The following CDKL5 variants were observed in gnomAD, a reference collection of about 807,000 sequenced individuals.
The protein encoded by CDKL5 is cyclin-dependent kinase-like 5.
CDKL5 carries 8 observed loss-of-function variants against 61.7 expected under a neutral mutation model. The observed-to-expected ratio is 0.13, with a 90% CI of 0.08 to 0.23. The LOEUF (loss-of-function observed/expected upper bound fraction) is 0.23, where lower values mean the gene tolerates loss of function less well. Ranked by LOEUF, CDKL5 falls within the 10% of genes least tolerant of loss-of-function variation. CDKL5 has a pLI of 1.00. For synonymous variants in CDKL5, 275 were observed against 272.3 expected, an observed-to-expected ratio of 1.01 and a Z score of -0.10; for missense variants, 440 against 734.5, an observed-to-expected ratio of 0.60 and a Z score of 4.63.
At chrX:18,567,210 G>A (rs753595913) in intron 4 of CDKL5, among the ~76,000 whole-genome samples, 1 of 111,537 alleles carries the variant, frequency 9.0e-6, no homozygotes, top group East Asian at 2.8e-4. Flanking sequence ...AGTGTATATA[G>A]ATAGTCTCAT....
intron 1 of CDKL5, among the ~76,000 whole-genome samples, chrX:18,458,465 A>G (rs1932200987): frequency 8.9e-6 from 1 of 111,766 alleles, no homozygotes; most frequent in African/African-American, 3.2e-5. Flanking sequence ...TTTAATTAAA[A>G]CTAAAAGATT....
intron 1 of CDKL5, among the ~76,000 whole-genome samples, chrX:18,478,462 T>C (rs1212206240): frequency 9.3e-6 from 1 of 106,993 alleles, no homozygotes; most frequent in Non-Finnish European, 1.9e-5. Context: ...GGCTAATTTT[T>C]GTAATCTTAG....
chrX:18,564,977 T>C (rs1924921013), intron 4 of CDKL5, among the ~76,000 whole-genome samples: 1 of 111,636 alleles, frequency 9.0e-6, no homozygotes, highest in South Asian at 3.7e-4. Context: ...AATACAAGGA[T>C]ATATTGAGGG....
intron 12 of CDKL5, among the ~76,000 whole-genome samples, chrX:18,606,703 G>A (rs767779219): frequency 7.1e-5 from 8 of 112,580 alleles, no homozygotes; most frequent in African/African-American, 2.6e-4. Flanking sequence ...ATTGGAAGGA[G>A]AAGGAAGGTA....
In CDKL5 at chrX:18,432,099, CT is replaced by C. The variant is rs139849633; in HGVS notation, c.-163+6421del. 9.0e-3 allele frequency among the ~76,000 whole-genome samples: 812 copies of C among 90,222 alleles called. 5 individuals are homozygous for C. Among genetic ancestry groups the C allele is most frequent in the African/African-American group, 0.02 (509 of 24,912 alleles). The allele number at this position is 90,222 out of a possible 115,157, so 78.3% of individuals were successfully genotyped here. On this transcript the variant is annotated intron_variant, in intron 1 of 17. Transcript: ENST00000623535. Reference sequence around the variant, plus strand: ...AATTTCTTTCTTTCTTTCTTTCTTTCTTTTTTTTTTTTTTTTTGAGATGGAG... The same window carrying C: ...AATTTCTTTCTTTCTTTCTTTCTTTCTTTTTTTTTTTTTTTTGAGATGGAG...
chrX:18,601,213 A>G (rs775050290), intron 11 of CDKL5, among the ~76,000 whole-genome samples: 76 of 111,726 alleles, frequency 6.8e-4, no homozygotes, highest in Non-Finnish European at 1.1e-3. Context: ...GCCCCTGGCT[A>G]TCTCCCTCAG....
rs1233809368 is a variant in CDKL5 at position 18,638,557 on chromosome X, T to C, written c.*9800T>C. 8.9e-6 allele frequency: 1 copy of C among 112,657 alleles called. No homozygotes were observed. Among genetic ancestry groups the C allele is most frequent in the Non-Finnish European group, 1.9e-5 (1 of 53,383 alleles). The allele number at this position is 112,657 out of a possible 1,213,427, so 9.3% of individuals were successfully genotyped here. A position where few individuals can be genotyped will look rare whatever the true frequency, so the allele number is the denominator to read the frequency against. On this transcript the variant is annotated 3_prime_UTR_variant, in exon 18 of 18. Coordinates refer to ENST00000623535, the MANE Select transcript of CDKL5 (RefSeq NM_001323289.2). ...CCCTCAATAAAAGTTTTAGTTTTTA[T>C]ACATTCTGTCATGAATTGAATGAAG... is the stretch of plus-strand genomic sequence containing the variant.
At chrX:18,547,371 C>T (rs140268434) in intron 3 of CDKL5, among the ~76,000 whole-genome samples, 1 of 112,078 alleles carries the variant, frequency 8.9e-6, no homozygotes, top group Admixed American at 9.4e-5. Flanking sequence ...CATTCTTTTC[C>T]TGAATTCCTC....
intron 10 of CDKL5, among the ~76,000 whole-genome samples, chrX:18,597,816 G>A (rs1057151726): frequency 5.5e-5 from 6 of 109,742 alleles, no homozygotes; most frequent in African/African-American, 1.3e-4. Flanking sequence ...GGCTGGTCTC[G>A]AACTCCTGAC....
At chrX:18,644,927 G>A (rs1927718118), downstream of CDKL5, among the ~76,000 whole-genome samples, 1 of 112,715 alleles carries the variant, frequency 8.9e-6, no homozygotes, top group Admixed American at 9.3e-5. Flanking sequence ...GGTTGAACAT[G>A]TCTGTCTGCA....
chrX:18,596,024 A>C (rs888869667), intron 10 of CDKL5, among the ~76,000 whole-genome samples: 1 of 111,495 alleles, frequency 9.0e-6, no homozygotes, highest in African/African-American at 3.3e-5. Flanking sequence ...TCTCCAGTAG[A>C]CAGTCGGCTC....
At chrX:18,582,067 G>T in intron 7 of CDKL5, 117 bp downstream of exon 7, 1 of 578,832 alleles carries the variant, frequency 1.7e-6, no homozygotes, top group South Asian at 2.6e-5. Flanking sequence ...ATTGGTAGAG[G>T]AACATTCTTT....
At chrX:18,648,095 G>T (rs1432707699) in intron 20 of CDKL5, among the ~76,000 whole-genome samples, 1 of 111,076 alleles carries the variant, frequency 9.0e-6, no homozygotes, top group Admixed American at 9.5e-5. Context: ...CCAGCTACTC[G>T]GGAGGCTGAG....
At chrX:18,576,204 G>A (rs1212287326) in intron 5 of CDKL5, among the ~76,000 whole-genome samples, 4 of 111,385 alleles carry the variant, frequency 3.6e-5, no homozygotes, top group South Asian at 7.6e-4. Context: ...TGAGGCAGGC[G>A]GATCGCTTGA....
At chrX:18,605,779 T>C (rs1926343846) in intron 12 of CDKL5, among the ~76,000 whole-genome samples, 1 of 112,704 alleles carries the variant, frequency 8.9e-6, no homozygotes, top group East Asian at 2.8e-4. Context: ...ATTTGGACAT[T>C]GAACACCTTT....
intron 4 of CDKL5, among the ~76,000 whole-genome samples, chrX:18,572,625 A>G (rs1294809319): frequency 8.9e-6 from 1 of 111,849 alleles, no homozygotes; most frequent in East Asian, 2.8e-4. Context: ...GCTTGAGGAA[A>G]TTGACAGTGC....
rs138521243 is a variant in CDKL5, at chrX:18,648,306, A to G, written c.2798-2104A>G. ...TCCTAGGCTGCAGTGCGGTGCTGCT[A>G]TGTCAGCCCACTGCAACCTCTGCCT... On this transcript the variant is annotated intron_variant, in intron 20 of 21. Coordinates refer to the CDKL5 transcript ENST00000379989. Among the ~76,000 whole-genome samples the G allele has an allele frequency of 8.7e-3, 944 of 108,864 alleles. 12 individuals carry two copies. The highest frequency in any genetic ancestry group is 0.03 in the African/African-American group (902 of 29,855). The allele number at this position is 108,864 out of a possible 115,157, so 94.5% of individuals were successfully genotyped here.
chrX:18,474,293 A>G (rs1433203631), intron 1 of CDKL5, among the ~76,000 whole-genome samples: 2 of 111,832 alleles, frequency 1.8e-5, no homozygotes, highest in African/African-American at 3.3e-5. Flanking sequence ...ATGGTATAGT[A>G]TGGTATCAGA....
At chrX:18,525,245 C>T (rs1029344702) in intron 3 of CDKL5, among the ~76,000 whole-genome samples, 1 of 111,364 alleles carries the variant, frequency 9.0e-6, no homozygotes, top group South Asian at 3.8e-4. Context: ...ACTACAGGTA[C>T]ATGCCACCAC....
Sources: allele counts gnomAD v4.1 joint callset (sites outside exome capture counted in the v4.1 genomes callset), GRCh38; gene constraint gnomAD v4.1.1; transcripts MANE v1.5; gene names NCBI Gene and HGNC (gene_info 2026-07-23, HGNC 2026-07-21).